RABGAP1L: variants seen among roughly 807,000 people sequenced by gnomAD.
RABGAP1L encodes the protein rab GTPase-activating protein 1-like.
In RABGAP1L, 63 loss-of-function variants were observed where a neutral mutation model predicts 137.7. The ratio of observed to expected loss-of-function variants is 0.46; its 90% CI spans 0.37 to 0.56. The LOEUF is 0.56. Ranked by LOEUF, RABGAP1L falls within the 20% of genes least tolerant of loss-of-function variation. The pLI, the probability that RABGAP1L is intolerant of heterozygous loss-of-function variation, is 0.00. For missense variants in RABGAP1L, 1,095 were observed against 1,244.0 expected (o/e 0.88, Z 1.80); for synonymous variants, 431 against 433.7 (o/e 0.99, Z 0.08).
intron 13 of RABGAP1L, among the ~76,000 whole-genome samples, chr1:174,445,987 T>C (rs1462550242): frequency 6.6e-6 from 1 of 152,228 alleles, no homozygotes; most frequent in Non-Finnish European, 1.5e-5. Flanking sequence ...AACTGTTACC[T>C]AGTGACAGTT....
At chr1:174,907,424 C>T (rs1659277381) in intron 19 of RABGAP1L, among the ~76,000 whole-genome samples, 2 of 152,148 alleles carry the variant, frequency 1.3e-5, no homozygotes, top group African/African-American at 4.8e-5. Flanking sequence ...GTTATCCTCC[C>T]ACCTCAGCCT....
intron 13 of RABGAP1L, among the ~76,000 whole-genome samples, chr1:174,542,122 A>C (rs544215614): frequency 1.3e-5 from 2 of 152,298 alleles, no homozygotes; most frequent in East Asian, 3.9e-4. Flanking sequence ...TGAGTTAGGG[A>C]GGATTCCCTC....
At chr1:174,175,512 C>T (rs1278382808) in intron 1 of RABGAP1L, among the ~76,000 whole-genome samples, 3 of 145,410 alleles carry the variant, frequency 2.1e-5, no homozygotes, top group Non-Finnish European at 4.5e-5. Flanking sequence ...TTTTTTGAGA[C>T]AGAGTCTTGC....
intron 20 of RABGAP1L, among the ~76,000 whole-genome samples, chr1:174,967,480 G>C (rs1174384638): frequency 1.3e-5 from 2 of 151,918 alleles, no homozygotes; most frequent in African/African-American, 4.8e-5. Flanking sequence ...TGAGATTACA[G>C]GTGTGTATCA....
At chr1:174,447,890 G>GC (rs11321562) in intron 13 of RABGAP1L, among the ~76,000 whole-genome samples, 1,485 of 69,582 alleles carry the variant, frequency 0.021, 22 homozygotes, top group African/African-American at 0.052. Context: ...ACCCCTTACC[G>GC]CCCCCCCCCC....
intron 19 of RABGAP1L, among the ~76,000 whole-genome samples, chr1:174,889,812 C>CT (rs1655824293): frequency 6.6e-6 from 1 of 152,296 alleles, no homozygotes; most frequent in Admixed American, 6.5e-5. Flanking sequence ...TCACTGCGGC[C>CT]TCAAATGCTT....
intron 10 of RABGAP1L, among the ~76,000 whole-genome samples, chr1:174,299,762 G>A (rs1417183555): frequency 6.6e-6 from 1 of 152,156 alleles, no homozygotes; most frequent in Non-Finnish European, 1.5e-5. Context: ...GTTAACTCTT[G>A]TTTTGCTTGA....
chr1:174,273,625 T>C (rs539814748), intron 8 of RABGAP1L, among the ~76,000 whole-genome samples: 1 of 152,144 alleles, frequency 6.6e-6, no homozygotes, highest in Non-Finnish European at 1.5e-5. Flanking sequence ...TTTGGAGCCC[T>C]GAAAATTCCA....
chr1:174,965,558 G>A (rs1305389369), intron 20 of RABGAP1L, among the ~76,000 whole-genome samples: 2 of 152,192 alleles, frequency 1.3e-5, no homozygotes, highest in East Asian at 1.9e-4. Context: ...AGACAGCCAC[G>A]TTAATATAAG....
At chr1:174,488,682 T>G (rs557421185) in intron 13 of RABGAP1L, among the ~76,000 whole-genome samples, 1 of 152,292 alleles carries the variant, frequency 6.6e-6, no homozygotes, top group South Asian at 2.1e-4. Flanking sequence ...TTTTTGAGGC[T>G]ACTCTGTAAA....
At chr1:174,617,138 C>T (rs910418420) in intron 13 of RABGAP1L, among the ~76,000 whole-genome samples, 5 of 152,196 alleles carry the variant, frequency 3.3e-5, no homozygotes, top group Admixed American at 6.5e-5. Context: ...TGGTAATCCT[C>T]ATTTCTGAAT....
chr1:174,927,003 G>A (rs1558241701), intron 19 of RABGAP1L, among the ~76,000 whole-genome samples: 1 of 151,726 alleles, frequency 6.6e-6, no homozygotes. Flanking sequence ...AACCCAGGAG[G>A]CAGAGGTTGC....
chr1:174,939,277 C>T (rs918495568), intron 19 of RABGAP1L, among the ~76,000 whole-genome samples: 2 of 151,992 alleles, frequency 1.3e-5, no homozygotes, highest in African/African-American at 4.8e-5. Context: ...AATTTTGGGC[C>T]AGGTGTAGTG....
At chr1:174,635,827 A>G (rs912103060) in intron 13 of RABGAP1L, among the ~76,000 whole-genome samples, 29 of 152,228 alleles carry the variant, frequency 1.9e-4, no homozygotes, top group African/African-American at 6.8e-4. Flanking sequence ...AGGCAGCAAG[A>G]AAGGGTAGTG....
rs773876752 is a variant in RABGAP1L, at chr1:174,448,514, A to C, written c.1710+54369A>C. 3.1e-6 allele frequency: 5 copies of C among 1,613,088 alleles called. No individual in the cohort carries two copies. In the South Asian group the frequency reaches 5.5e-5, roughly 18 times the overall value. On this transcript the variant is annotated intron_variant, in intron 13 of 25. Transcript: ENST00000681986. The surrounding 1 kb of genome is among the most constrained non-coding windows in gnomAD (Gnocchi z 4.2). ...TGTTTCTATGGCATGTCTTGCTTGC[A>C]TCAGTGTGGATCGTTATCTTGCAAT...
chr1:174,338,007 A>G (rs967068851), intron 11 of RABGAP1L, among the ~76,000 whole-genome samples: 5 of 152,312 alleles, frequency 3.3e-5, no homozygotes, highest in Admixed American at 1.3e-4. Context: ...AATATAGTAC[A>G]TGCCAAATGT....
intron 13 of RABGAP1L, among the ~76,000 whole-genome samples, chr1:174,479,214 T>C (rs1403225579): frequency 1.3e-5 from 2 of 152,236 alleles, no homozygotes; most frequent in African/African-American, 4.8e-5. Flanking sequence ...ATGCCACTGC[T>C]CCTGGTCTAG....
intron 12 of RABGAP1L, among the ~76,000 whole-genome samples, chr1:174,385,207 C>G (rs753310961): frequency 6.6e-6 from 1 of 152,120 alleles, no homozygotes; most frequent in African/African-American, 2.4e-5. Context: ...GACATGTGAT[C>G]GGATTCTGGA....
intron 19 of RABGAP1L, among the ~76,000 whole-genome samples, chr1:174,834,555 C>T (rs771709809): frequency 6.6e-6 from 1 of 152,080 alleles, no homozygotes; most frequent in East Asian, 1.9e-4. Context: ...CCAGGACTCT[C>T]AAAGACTTCT....
Sources: allele counts gnomAD v4.1 joint callset (sites outside exome capture counted in the v4.1 genomes callset), GRCh38; gene constraint gnomAD v4.1.1; non-coding constraint Gnocchi (gnomAD v3.1); transcripts MANE v1.5; gene names NCBI Gene and HGNC (gene_info 2026-07-23, HGNC 2026-07-21).